The following CTDP1 variants were observed in gnomAD, a reference collection of about 807,000 sequenced individuals.
The protein encoded by CTDP1 is RNA polymerase II subunit A C-terminal domain phosphatase.
Under a neutral mutation model 91.8 loss-of-function variants are expected in CTDP1, and 47 were observed. The ratio of observed to expected loss-of-function variants is 0.51; its 90% confidence interval spans 0.41 to 0.65. CTDP1 has a LOEUF of 0.65. CTDP1 is among the 30% of genes least tolerant of loss of function. The pLI, the probability that CTDP1 is intolerant of heterozygous loss-of-function variation, is 0.00. For synonymous variants in CTDP1, 656 were observed against 598.5 expected, an observed-to-expected ratio of 1.10 and a Z score of -1.40; for missense variants, 1,272 against 1,373.7, an observed-to-expected ratio of 0.93 and a Z score of 1.17.
intron 12 of CTDP1, among the ~76,000 whole-genome samples, chr18:79,746,341 C>T (rs1167791096): frequency 6.8e-6 from 1 of 146,664 alleles, no homozygotes; most frequent in Admixed American, 6.7e-5. Context: ...CCCTCCCGTG[C>T]GCGTTCTGAC....
intron 8 of CTDP1, 28 bp from the exon 9 acceptor site, chr18:79,717,507 C>T: frequency 6.2e-7 from 1 of 1,610,902 alleles, no homozygotes; most frequent in Non-Finnish European, 8.5e-7. Context: ...CTGGCCGGAA[C>T]AGCCTGACGC....
Position 79,733,954 on chromosome 18 carries a change from C to T in CTDP1, c.2581-2401C>T, listed in dbSNP as rs546413020. On this transcript the variant is annotated intron_variant, in intron 11 of 12. Coordinates refer to ENST00000613122, the MANE Select transcript of CTDP1 (RefSeq NM_004715.5). ...TCTCTTTACATACTTTTAAATTTTC[C>T]TTAAGATTAAAAAAAATTATGTTAG... Among the ~76,000 whole-genome samples, 5 of 152,064 alleles carry T rather than the reference C, an allele frequency of 3.3e-5. No individual in the cohort carries two copies. The East Asian group carries it at 7.7e-4, about 24-fold the overall frequency.
rs573516845 is a variant in CTDP1 at position 79,733,781 on chromosome 18, T to C, written c.2581-2574T>C. On this transcript the variant is annotated intron_variant, in intron 11 of 12. Coordinates refer to ENST00000613122, the MANE Select transcript of CTDP1 (RefSeq NM_004715.5). ...CACTCCAGCGCAGAGCTGGGGAGAG[T>C]TTTATTCTGTGATCCAGGGTCGTGC... 2.2e-4 allele frequency among the ~76,000 whole-genome samples: 34 copies of C among 152,026 alleles called. No individual in the cohort carries two copies. The East Asian group carries it at 2.7e-3, about 12-fold the overall frequency.
At chr18:79,692,399 G>C (rs9949776) in intron 1 of CTDP1, among the ~76,000 whole-genome samples, 87,176 of 151,938 alleles carry the variant, frequency 0.57, 25,150 homozygotes, top group Middle Eastern at 0.67. Context: ...TCTGAAGTCA[G>C]GTAGTAAAAG....
chr18:79,680,010 G>T lies in CTDP1; in HGVS notation c.63G>T (p.Glu21Asp). 1.5e-6 allele frequency: 2 copies of T among 1,310,658 alleles called. No homozygotes were observed. The highest frequency in any genetic ancestry group is 3.3e-5 in the East Asian group (1 of 29,986). The allele number at this position is 1,310,658 out of a possible 1,614,324, so 81.2% of individuals were successfully genotyped here. A position where few individuals can be genotyped will look rare whatever the true frequency, so the allele number is the denominator to read the frequency against. Residue 21 changes from glutamate to aspartate, a missense_variant, in exon 1 of 13, where the codon GAG becomes GAT. Physicochemically the swap from Glu to Asp is conservative, Grantham distance 45 (BLOSUM62 2). Around this residue, in one of 3 missense-constraint regions of CTDP1, gnomAD observed 214 missense variants for 179.1 expected, o/e 1.19. Coordinates refer to ENST00000613122, the MANE Select transcript of CTDP1 (RefSeq NM_004715.5). ...GCGCCCCGACGGCGGCTGTGGCCGA[G>T]GTGCGCTGCCCGGGGCCCGCGCCGC... ...AEGAPTAAVA[E>D]VRCPGPAPLR...
At chr18:79,695,183 C>A (rs1459962783) in intron 1 of CTDP1, 42 bp from the exon 2 acceptor site, 1 of 1,582,076 alleles carries the variant, frequency 6.3e-7, no homozygotes. Context: ...TTTGATAAAC[C>A]AAGAGATTTT....
In CTDP1 at chr18:79,712,998, T is replaced by G; in HGVS notation, c.890T>G (p.Met297Arg). 1 of 1,614,186 alleles carries G rather than the reference T, an allele frequency of 6.2e-7. No individual in the cohort carries two copies. Among genetic ancestry groups the G allele is most frequent in the East Asian group, 2.2e-5 (1 of 44,886 alleles). ...LRNLFPCGDS[M>R]VCIIDDREDV... Reference sequence around the variant, plus strand: ...AATCTCTTTCCTTGTGGAGACTCAATGGTTTGCATTATTGATGATCGAGAA... The same window carrying G: ...AATCTCTTTCCTTGTGGAGACTCAAGGGTTTGCATTATTGATGATCGAGAA... Residue 297 changes from methionine (M) to arginine (R), a missense_variant, in exon 7 of 13, where the codon ATG becomes AGG. By Grantham distance (91) the Met-to-Arg change is moderately conservative. This residue lies in a region of CTDP1 where 177 missense variants were observed against 283.0 expected (regional missense o/e 0.63). Coordinates refer to ENST00000613122, the MANE Select transcript of CTDP1 (RefSeq NM_004715.5).
At chr18:79,688,628 G>C (rs1175200730) in intron 1 of CTDP1, among the ~76,000 whole-genome samples, 1 of 152,058 alleles carries the variant, frequency 6.6e-6, no homozygotes, top group Non-Finnish European at 1.5e-5. Flanking sequence ...TCGAACTCCT[G>C]ACCTCAGGTG....
Position 79,714,960 on chromosome 18 carries a change from C to T in CTDP1, c.1500C>T (p.Gly500=). The T allele has an allele frequency of 6.4e-7, 1 of 1,567,402 alleles. No homozygotes were observed. The highest frequency in any genetic ancestry group is 2.3e-5 in the East Asian group (1 of 42,690). ...AGGGAGCCGGGGCGCTGGCACAGGG[C>T]AGTTCCCTGGAGCCGGGGCGGCCTG... ...APEGAGALAQ[G]SSLEPGRPAA... is the part of the protein sequence containing the mutation. The change falls in exon 8 of 13, where the codon GGC becomes GGT. Residue 500 remains glycine (G), a synonymous_variant. Coordinates refer to ENST00000613122, the MANE Select transcript of CTDP1 (RefSeq NM_004715.5).
Position 79,729,025 on chromosome 18 carries a change from C to A in CTDP1, c.2536C>A (p.Leu846Met). Reference protein sequence around the residue: ...RQPSMSETMPLYTLCKEDLES... With the variant: ...RQPSMSETMPMYTLCKEDLES... Reference sequence around the variant, plus strand: ...GCCCAGTATGTCTGAGACAATGCCGCTGTACACTCTTTGTAAGGAGGATTT... The same window carrying A: ...GCCCAGTATGTCTGAGACAATGCCGATGTACACTCTTTGTAAGGAGGATTT... Residue 846 changes from leucine (L) to methionine (M), a missense_variant, in exon 11 of 13, where the codon CTG (leucine) becomes ATG (methionine). Coordinates refer to ENST00000613122, the MANE Select transcript of CTDP1 (RefSeq NM_004715.5). The A allele has an allele frequency of 6.2e-7, 1 of 1,614,050 alleles. No individual in the cohort carries two copies. Among genetic ancestry groups the A allele is most frequent in the Non-Finnish European group, 8.5e-7 (1 of 1,180,052 alleles).
intron 12 of CTDP1, among the ~76,000 whole-genome samples, chr18:79,736,724 GGC>G (rs1568213496): frequency 4.9e-5 from 7 of 144,154 alleles, no homozygotes; most frequent in Non-Finnish European, 1.1e-4. Flanking sequence ...CATGTGTGCA[GGC>G]GTGTGAGGTG....
chr18:79,710,259 T>TA (rs912338717), intron 5 of CTDP1, 87 bp from the exon 6 acceptor site: 162 of 1,078,378 alleles, frequency 1.5e-4, no homozygotes, highest in Non-Finnish European at 2.0e-4. Context: ...TCTGCCACTT[T>TA]AAAAAAAACA....
At chr18:79,677,806 G>A (rs2085271572), upstream of CTDP1, 1 of 152,124 alleles carries the variant, frequency 6.6e-6, no homozygotes, top group Non-Finnish European at 1.5e-5. Flanking sequence ...TGTCCTTACA[G>A]TGTGAACCAG....
At chr18:79,743,535 A>AAAC (rs1160471712) in intron 12 of CTDP1, among the ~76,000 whole-genome samples, 5 of 151,154 alleles carry the variant, frequency 3.3e-5, no homozygotes, top group African/African-American at 1.2e-4. Context: ...CCAAAAAAAA[A>AAAC]AAAAAAAAAC....
chr18:79,709,732 C>G (rs943708143), intron 5 of CTDP1, among the ~76,000 whole-genome samples: 3 of 152,170 alleles, frequency 2.0e-5, no homozygotes, highest in African/African-American at 7.2e-5. Flanking sequence ...TCGATGTTGC[C>G]TAAATTACCA....
At chr18:79,711,526 A>G (rs1373790954) in intron 6 of CTDP1, among the ~76,000 whole-genome samples, 4 of 152,182 alleles carry the variant, frequency 2.6e-5, no homozygotes, top group Non-Finnish European at 5.9e-5. Flanking sequence ...GAGTGGGCAG[A>G]GGAATGTGAA....
intron 11 of CTDP1, among the ~76,000 whole-genome samples, chr18:79,730,030 T>C (rs1568208637): frequency 6.6e-6 from 1 of 152,202 alleles, no homozygotes; most frequent in Non-Finnish European, 1.5e-5. Context: ...TCTTCAACAG[T>C]AGCAGAAAAA....
In CTDP1 at chr18:79,730,368, G is replaced by A. The variant is rs533866888; in HGVS notation, c.2580+1299G>A. ...CTTCCTGCCTGGAAGCTGCTGACACGTCCCGTCTCCCTCCTGGTTTCCTGG... is the reference window on the plus strand; with the variant it reads ...CTTCCTGCCTGGAAGCTGCTGACACATCCCGTCTCCCTCCTGGTTTCCTGG... On this transcript the variant is annotated intron_variant, in intron 11 of 12. Coordinates refer to ENST00000613122, the MANE Select transcript of CTDP1 (RefSeq NM_004715.5). 2.6e-5 allele frequency among the ~76,000 whole-genome samples: 4 copies of A among 152,288 alleles called. No individual in the cohort carries two copies. In the East Asian group the frequency reaches 7.7e-4, roughly 29 times the overall value.
chr18:79,698,148 G>C (rs2085785380), intron 4 of CTDP1, among the ~76,000 whole-genome samples, 160 bp downstream of exon 4: 1 of 152,252 alleles, frequency 6.6e-6, no homozygotes, highest in Non-Finnish European at 1.5e-5. Flanking sequence ...TGTGTCTGCT[G>C]GGCTGTTGGG....
Sources: allele counts gnomAD v4.1 joint callset (sites outside exome capture counted in the v4.1 genomes callset), GRCh38; gene constraint gnomAD v4.1.1; regional missense constraint gnomAD v4.1.1; transcripts MANE v1.5; gene names NCBI Gene and HGNC (gene_info 2026-07-23, HGNC 2026-07-21).